The following CSMD1 variants were observed in gnomAD, a reference collection of about 807,000 sequenced individuals.
The protein encoded by CSMD1 is CUB and Sushi multiple domains 1.
Under a neutral mutation model 417.5 loss-of-function variants are expected in CSMD1, and 213 were observed. The ratio of observed to expected loss-of-function variants is 0.51; its 90% CI spans 0.46 to 0.57. The LOEUF is 0.57. Ranked by LOEUF, CSMD1 falls within the 20% of genes least tolerant of loss-of-function variation. CSMD1 has a pLI of 0.00. For missense variants in CSMD1, 6,923 were observed against 4,529.7 expected (o/e 1.53, Z -15.17); for synonymous variants, 2,862 against 1,736.8 (o/e 1.65, Z -16.11).
intron 49 of CSMD1, among the ~76,000 whole-genome samples, chr8:3,078,769 C>T (rs572250360): frequency 1.3e-5 from 2 of 152,252 alleles, no homozygotes; most frequent in African/African-American, 4.8e-5. Flanking sequence ...AAGTATGTTA[C>T]CAGCTTAGTT....
chr8:4,393,768 G>A (rs937612576), intron 3 of CSMD1, among the ~76,000 whole-genome samples: 1 of 152,152 alleles, frequency 6.6e-6, no homozygotes, highest in Admixed American at 6.6e-5. Context: ...CTTAAAAACA[G>A]AAAAAGCTGC....
intron 5 of CSMD1, among the ~76,000 whole-genome samples, chr8:3,789,640 A>C (rs1041172644): frequency 6.6e-6 from 1 of 151,860 alleles, no homozygotes; most frequent in African/African-American, 2.4e-5. Flanking sequence ...CTAAAAAATA[A>C]TAGTGAAAAC....
At chr8:4,926,155 GA>G (rs1806854660) in intron 1 of CSMD1, among the ~76,000 whole-genome samples, 1 of 152,136 alleles carries the variant, frequency 6.6e-6, no homozygotes, top group Non-Finnish European at 1.5e-5. Context: ...ATCATAAATT[GA>G]AAGGACAGCC....
chr8:2,976,950 T>A (rs980704868), intron 55 of CSMD1, among the ~76,000 whole-genome samples: 1 of 151,898 alleles, frequency 6.6e-6, no homozygotes, highest in South Asian at 2.1e-4. Flanking sequence ...TCTATAATTA[T>A]CTCTGCCCAG....
intron 5 of CSMD1, among the ~76,000 whole-genome samples, chr8:3,929,227 G>T (rs780497698): frequency 3.3e-5 from 5 of 150,318 alleles, no homozygotes; most frequent in Non-Finnish European, 7.4e-5. Context: ...TTACATAAAG[G>T]AGGTGTTTGT....
chr8:3,243,918 T>G (rs1379318407), intron 26 of CSMD1, among the ~76,000 whole-genome samples: 3 of 152,146 alleles, frequency 2.0e-5, no homozygotes, highest in African/African-American at 7.2e-5. Context: ...ACATGTTTTT[T>G]AAACGTTATG....
intron 40 of CSMD1, among the ~76,000 whole-genome samples, chr8:3,148,097 T>A (rs1301701828): frequency 5.3e-5 from 8 of 152,192 alleles, no homozygotes; most frequent in Admixed American, 5.2e-4. Flanking sequence ...TTCTGAGTTG[T>A]AACCACAGGA....
At chr8:4,676,299 C>T (rs1805677632) in intron 1 of CSMD1, among the ~76,000 whole-genome samples, 2 of 152,076 alleles carry the variant, frequency 1.3e-5, no homozygotes, top group Admixed American at 6.6e-5. Context: ...AGCCATGTTT[C>T]TCATTCCCTG....
intron 51 of CSMD1, 28 bp from the exon 52 acceptor site, chr8:3,018,678 T>A: frequency 6.3e-7 from 1 of 1,596,544 alleles, no homozygotes; most frequent in Non-Finnish European, 8.6e-7. Context: ...AAAATGAACA[T>A]CAATTCAGTT....
At chr8:3,598,192 G>C (rs1297012572) in intron 8 of CSMD1, 3 of 152,214 alleles carry the variant, frequency 2.0e-5, no homozygotes, top group Non-Finnish European at 4.4e-5. Flanking sequence ...GTGGATATCA[G>C]AAAAGAGGGT....
chr8:3,257,624 G>A (rs560970198), intron 26 of CSMD1, among the ~76,000 whole-genome samples: 12 of 152,268 alleles, frequency 7.9e-5, no homozygotes, highest in Non-Finnish European at 1.6e-4. Context: ...TTTTAAGATA[G>A]AGACAGAATC....
chr8:3,118,412 A>T lies in CSMD1; in HGVS notation c.6417T>A (p.Phe2139Leu). ...TGATGAACTTACCATCACATCTTGGAAAAGGGTAGTTCCAGTTTCTGTTGA... is the reference window on the plus strand; with the variant it reads ...TGATGAACTTACCATCACATCTTGGTAAAGGGTAGTTCCAGTTTCTGTTGA... ...HGINRNWNYPFPRCDAPCGYN... is the reference protein window; with the variant it reads ...HGINRNWNYPLPRCDAPCGYN... The change falls in exon 42 of 70, where the codon TTT becomes TTA. Residue 2139 changes from phenylalanine (F) to leucine (L), a missense_variant. Coordinates refer to ENST00000635120, the MANE Select transcript of CSMD1 (RefSeq NM_033225.6). 1 of 1,612,410 alleles carries T rather than the reference A, an allele frequency of 6.2e-7. No individual in the cohort carries two copies. Among genetic ancestry groups the T allele is most frequent in the South Asian group, 1.1e-5 (1 of 90,802 alleles).
At chr8:3,240,327 C>T (rs903247692) in intron 26 of CSMD1, among the ~76,000 whole-genome samples, 39 of 152,002 alleles carry the variant, frequency 2.6e-4, no homozygotes, top group Non-Finnish European at 5.7e-4. Context: ...TCTATGGGGT[C>T]AGCAAGGTTT....
intron 3 of CSMD1, among the ~76,000 whole-genome samples, chr8:4,110,597 C>A (rs1375676841): frequency 1.3e-5 from 2 of 151,294 alleles, no homozygotes; most frequent in Admixed American, 1.3e-4. Context: ...TTCTGAAAAC[C>A]ATTTTGTACT....
rs186697704 is a variant in CSMD1 at position 4,937,753 on chromosome 8, C to G, written c.85+56579G>C. The stretch of plus-strand genomic sequence containing the variant: ...CAGAGTAAGATAAGTGTGATCTGAT[C>G]TAGAGAGAAGTTTCTCACACAGTGG... On this transcript the variant is annotated intron_variant, in intron 1 of 69. Coordinates refer to ENST00000635120, the MANE Select transcript of CSMD1 (RefSeq NM_033225.6). Among the ~76,000 whole-genome samples, 350 of 151,666 alleles carry G rather than the reference C, an allele frequency of 2.3e-3. 1 individual carries two copies. Among genetic ancestry groups the G allele is most frequent in the Admixed American group, 3.7e-3 (56 of 15,180 alleles).
chr8:3,202,129 C>G (rs1250220635), intron 31 of CSMD1, among the ~76,000 whole-genome samples: 2 of 152,104 alleles, frequency 1.3e-5, no homozygotes, highest in Non-Finnish European at 2.9e-5. Flanking sequence ...GATTGTACCA[C>G]TGCACTCCAG....
intron 50 of CSMD1, among the ~76,000 whole-genome samples, chr8:3,032,341 C>T (rs2128978272): frequency 6.6e-6 from 1 of 152,036 alleles, no homozygotes; most frequent in East Asian, 1.9e-4. Flanking sequence ...GATGCCAGAC[C>T]ATTTTCCCTA....
intron 10 of CSMD1, among the ~76,000 whole-genome samples, chr8:3,572,561 T>A (rs1056832700): frequency 3.9e-5 from 6 of 152,236 alleles, no homozygotes; most frequent in African/African-American, 1.4e-4. Context: ...ATACACAGGT[T>A]AACTAAACCA....
At chr8:3,826,319 G>A (rs1190632507) in intron 5 of CSMD1, among the ~76,000 whole-genome samples, 49 of 151,958 alleles carry the variant, frequency 3.2e-4, no homozygotes, top group Non-Finnish European at 8.8e-5. Context: ...TTAACTGGGG[G>A]CTTGAAATGA....
Sources: gnomAD v4.1 joint callset for allele counts (sites outside exome capture counted in the v4.1 genomes callset) on GRCh38, gnomAD v4.1.1 for gene constraint, MANE v1.5 for transcripts, NCBI Gene and HGNC (gene_info 2026-07-23, HGNC 2026-07-21) for gene names.